ABCB5: variants seen among roughly 807,000 people sequenced by gnomAD.
ABCB5 encodes ATP-binding cassette sub-family B member 5.
A neutral mutation model predicts 144.2 loss-of-function variants in ABCB5; 155 were observed. That is an observed-to-expected ratio of 1.08 (90% CI 0.94 to 1.23). ABCB5 has a LOEUF of 1.23. ABCB5 is among the 50% of genes most tolerant of loss of function. The pLI, the probability that ABCB5 is intolerant of heterozygous loss-of-function variation, is 0.00. For synonymous variants in ABCB5, 610 were observed against 528.6 expected, an observed-to-expected ratio of 1.15 and a Z score of -2.11; for missense variants, 1,830 against 1,520.8, an observed-to-expected ratio of 1.20 and a Z score of -3.38.
intron 20 of ABCB5, among the ~76,000 whole-genome samples, chr7:20,713,607 C>G (rs1458685004): frequency 6.7e-6 from 1 of 149,630 alleles, no homozygotes; most frequent in African/African-American, 2.5e-5. Context: ...TTTTACATTT[C>G]TATAAATATT....
intron 20 of ABCB5, among the ~76,000 whole-genome samples, chr7:20,707,619 C>T: frequency 6.6e-6 from 1 of 152,146 alleles, no homozygotes; most frequent in Non-Finnish European, 1.5e-5. Context: ...ATTGACACCA[C>T]AGTGTGCATT....
At chr7:20,725,415 C>A (rs2128050542) in intron 21 of ABCB5, among the ~76,000 whole-genome samples, 1 of 152,234 alleles carries the variant, frequency 6.6e-6, no homozygotes, top group African/African-American at 2.4e-5. Flanking sequence ...CCTGTCTCTA[C>A]TAAAAATACA....
chr7:20,662,583 A>T (rs578210619), intron 14 of ABCB5, among the ~76,000 whole-genome samples: 1 of 151,448 alleles, frequency 6.6e-6, no homozygotes, highest in South Asian at 2.1e-4. Flanking sequence ...ACACTGTAAT[A>T]GTTGGGAACA....
At chr7:20,747,066 G>C (rs1419734646) in intron 26 of ABCB5, among the ~76,000 whole-genome samples, 1 of 152,010 alleles carries the variant, frequency 6.6e-6, no homozygotes, top group Non-Finnish European at 1.5e-5. Context: ...CTCTGGTAAG[G>C]GTTTGCAGTA....
At chr7:20,634,965 G>A (rs1487212349) in intron 5 of ABCB5, among the ~76,000 whole-genome samples, 1 of 152,084 alleles carries the variant, frequency 6.6e-6, no homozygotes, top group African/African-American at 2.4e-5. Flanking sequence ...TCTTAGTCAT[G>A]AATACTTTGT....
intron 5 of ABCB5, among the ~76,000 whole-genome samples, chr7:20,637,664 C>T (rs755126452): frequency 2.0e-5 from 3 of 152,118 alleles, no homozygotes; most frequent in Non-Finnish European, 4.4e-5. Flanking sequence ...AGGTGAGCTG[C>T]CCACCTCGGA....
At chr7:20,684,251 G>A (rs1785919141) in intron 15 of ABCB5, among the ~76,000 whole-genome samples, 1 of 152,084 alleles carries the variant, frequency 6.6e-6, no homozygotes, top group Non-Finnish European at 1.5e-5. Flanking sequence ...TTGCTTTAGT[G>A]AGTTTGTATG....
At chr7:20,751,333 G>A (rs958026157) in intron 26 of ABCB5, among the ~76,000 whole-genome samples, 5 of 152,134 alleles carry the variant, frequency 3.3e-5, no homozygotes, top group African/African-American at 7.2e-5. Context: ...TTAGCCAGGC[G>A]TGGTGGCGGG....
chr7:20,632,733 T>C (rs1435339291), intron 5 of ABCB5, among the ~76,000 whole-genome samples: 1 of 151,878 alleles, frequency 6.6e-6, no homozygotes, highest in Non-Finnish European at 1.5e-5. Flanking sequence ...AAATTGGAAA[T>C]CATCATTCTC....
Position 20,753,388 on chromosome 7 carries a change from G to C in ABCB5, c.3458G>C (p.Gly1153Ala), listed in dbSNP as rs951938432. The change falls in exon 27 of 28, where the codon GGA becomes GCA. Residue 1153 changes from glycine to alanine, a missense_variant. Coordinates refer to ENST00000404938, the MANE Select transcript of ABCB5 (RefSeq NM_001163941.2). The part of the protein sequence containing the change: ...EKYNTQVGLK[G>A]AQLSGGQKQR... Reference sequence around the variant, plus strand: ...TACAACACACAAGTTGGACTGAAAGGAGCACAGCTTTCTGGCGGCCAGAAA... The same window carrying C: ...TACAACACACAAGTTGGACTGAAAGCAGCACAGCTTTCTGGCGGCCAGAAA... 19 of 1,613,920 alleles carry C rather than the reference G, an allele frequency of 1.2e-5. No individual in the cohort carries two copies. The highest frequency in any genetic ancestry group is 1.6e-5 in the Non-Finnish European group (19 of 1,179,894).
intron 22 of ABCB5, among the ~76,000 whole-genome samples, chr7:20,727,859 G>A (rs1782085955): frequency 7.8e-6 from 1 of 127,638 alleles, no homozygotes; most frequent in Admixed American, 8.6e-5. Flanking sequence ...ACTTAGTGAT[G>A]CTTTTTATAT....
chr7:20,699,668 C>T (rs1349395986), intron 17 of ABCB5, among the ~76,000 whole-genome samples, 157 bp from the exon 18 acceptor site: 1 of 151,612 alleles, frequency 6.6e-6, no homozygotes, highest in African/African-American at 2.4e-5. Flanking sequence ...GATCGCAACA[C>T]TGCACTCCAG....
chr7:20,657,097 C>A (rs924198580), intron 13 of ABCB5, among the ~76,000 whole-genome samples: 3 of 151,622 alleles, frequency 2.0e-5, no homozygotes, highest in African/African-American at 7.3e-5. Context: ...TTTGTAGAGA[C>A]AGGGTTTCAC....
chr7:20,667,857 G>A (rs1204000072), intron 14 of ABCB5, among the ~76,000 whole-genome samples: 3 of 149,368 alleles, frequency 2.0e-5, no homozygotes, highest in African/African-American at 7.4e-5. Flanking sequence ...GAGTGCCTGC[G>A]ATTGCAGGCG....
chr7:20,749,796 G>A (rs1459110217), intron 26 of ABCB5, among the ~76,000 whole-genome samples: 1 of 152,132 alleles, frequency 6.6e-6, no homozygotes, highest in East Asian at 1.9e-4. Context: ...GAATTAAGAG[G>A]TGATCTGAGT....
intron 13 of ABCB5, among the ~76,000 whole-genome samples, chr7:20,656,378 A>G (rs1355937309): frequency 1.3e-5 from 2 of 152,186 alleles, no homozygotes; most frequent in African/African-American, 4.8e-5. Flanking sequence ...TCCGACAAGG[A>G]CATGAATCCA....
chr7:20,746,459 TC>T (rs1782726831), intron 26 of ABCB5, among the ~76,000 whole-genome samples: 1 of 152,168 alleles, frequency 6.6e-6, no homozygotes, highest in Admixed American at 6.5e-5. Context: ...TCCCTAAACA[TC>T]CTATTTTTAA....
chr7:20,697,300 A>G (rs568055881), intron 16 of ABCB5, among the ~76,000 whole-genome samples: 1 of 152,330 alleles, frequency 6.6e-6, no homozygotes, highest in African/African-American at 2.4e-5. Flanking sequence ...CACACTGAGA[A>G]TAGAACGAGA....
chr7:20,687,479 C>G (rs1786040657), intron 16 of ABCB5, among the ~76,000 whole-genome samples: 1 of 152,166 alleles, frequency 6.6e-6, no homozygotes, highest in Non-Finnish European at 1.5e-5. Context: ...AGAGCAAAAG[C>G]ACAAAGTGGT....
Sources: allele counts gnomAD v4.1 joint callset (sites outside exome capture counted in the v4.1 genomes callset), GRCh38; gene constraint gnomAD v4.1.1; transcripts MANE v1.5; gene names NCBI Gene and HGNC (gene_info 2026-07-23, HGNC 2026-07-21).